The following ATOSA variants were observed in gnomAD, a reference collection of about 807,000 sequenced individuals.
ATOSA encodes the protein atos homolog protein A.
chr15:52,600,000 T>C, the ATOSA span: 1 of 489,746 alleles, frequency 2.0e-6, no homozygotes, highest in East Asian at 3.4e-5. Context: ...AAAAAGGTAA[T>C]TTCAAGGCTT....
the ATOSA span, chr15:52,678,295 G>A: frequency 1.7e-6 from 1 of 592,198 alleles, no homozygotes; most frequent in Non-Finnish European, 3.0e-6. Context: ...TCCGGATCGA[G>A]CACCCCCTTC....
chr15:52,588,341 A>T, the ATOSA span, among the ~76,000 whole-genome samples: 1 of 152,240 alleles, frequency 6.6e-6, no homozygotes, highest in Admixed American at 6.5e-5. Context: ...AAAACAAGGT[A>T]AGTTCAAATT....
At chr15:52,626,541 A>AAG in the ATOSA span, among the ~76,000 whole-genome samples, 1 of 151,540 alleles carries the variant, frequency 6.6e-6, no homozygotes, top group East Asian at 1.9e-4. Flanking sequence ...AAAAAAAAAA[A>AAG]AGAGAGCGAG....
chr15:52,604,774 AG>A, the ATOSA span, among the ~76,000 whole-genome samples: 1 of 152,214 alleles, frequency 6.6e-6, no homozygotes, highest in African/African-American at 2.4e-5. Context: ...GATTAAGTGA[AG>A]GGATTCCAAA....
At chr15:52,657,399 A>AT in the ATOSA span, 17 of 152,188 alleles carry the variant, frequency 1.1e-4, no homozygotes, top group Non-Finnish European at 1.8e-4. Flanking sequence ...TGCATTTAAC[A>AT]TTTTTTAAAA....
chr15:52,653,811 G>GTA, the ATOSA span, among the ~76,000 whole-genome samples: 1 of 152,118 alleles, frequency 6.6e-6, no homozygotes, highest in Non-Finnish European at 1.5e-5. Flanking sequence ...TGCTTAAAAC[G>GTA]TAGGTACTAT....
the ATOSA span, among the ~76,000 whole-genome samples, chr15:52,654,646 C>T: frequency 6.6e-6 from 1 of 152,134 alleles, no homozygotes; most frequent in Non-Finnish European, 1.5e-5. Flanking sequence ...ACATACCATG[C>T]TCCTGTAGGG....
chr15:52,679,902 C>T, the ATOSA span, among the ~76,000 whole-genome samples: 1 of 150,170 alleles, frequency 6.7e-6, no homozygotes. Flanking sequence ...TAATGGAACC[C>T]GGGTTTAATG....
chr15:52,612,354 T>G, the ATOSA span, among the ~76,000 whole-genome samples: 1 of 152,138 alleles, frequency 6.6e-6, no homozygotes. Flanking sequence ...GAAAAAGAAC[T>G]GCTACATCCA....
chr15:52,682,986 AC>A, the ATOSA span, among the ~76,000 whole-genome samples: 1 of 152,130 alleles, frequency 6.6e-6, no homozygotes, highest in Admixed American at 6.5e-5. Flanking sequence ...ACCCTCTAAA[AC>A]CACAGGTATA....
the ATOSA span, chr15:52,598,563 A>T: frequency 9.2e-5 from 14 of 152,224 alleles, no homozygotes; most frequent in Middle Eastern, 3.2e-3. Flanking sequence ...CACTAAGCAG[A>T]GGAAATATCT....
the ATOSA span, among the ~76,000 whole-genome samples, chr15:52,691,111 A>AT: frequency 6.4e-4 from 95 of 148,968 alleles, 3 homozygotes; most frequent in Middle Eastern, 6.9e-3. Flanking sequence ...GTTTCTAGGG[A>AT]TTTTTTTTTT....
chr15:52,703,946 G>A, the ATOSA span, among the ~76,000 whole-genome samples: 1 of 152,078 alleles, frequency 6.6e-6, no homozygotes, highest in African/African-American at 2.4e-5. Context: ...AACTAGTTTG[G>A]TGTGACTTCC....
At chr15:52,692,535 G>A in the ATOSA span, among the ~76,000 whole-genome samples, 59 of 152,226 alleles carry the variant, frequency 3.9e-4, no homozygotes, top group African/African-American at 1.3e-3. Flanking sequence ...TGTATTTTTT[G>A]TAGAGACAGG....
chr15:52,696,998 C>T, the ATOSA span, among the ~76,000 whole-genome samples: 1 of 152,058 alleles, frequency 6.6e-6, no homozygotes, highest in Non-Finnish European at 1.5e-5. Flanking sequence ...CTTATTACTT[C>T]CATAATTTGA....
chr15:52,589,085 C>T, the ATOSA span, among the ~76,000 whole-genome samples: 1 of 152,162 alleles, frequency 6.6e-6, no homozygotes, highest in East Asian at 1.9e-4. Flanking sequence ...TTAAGGTTAA[C>T]ACATACGTGG....
the ATOSA span, among the ~76,000 whole-genome samples, chr15:52,679,817 CT>C: frequency 3.5e-3 from 424 of 120,694 alleles, 10 homozygotes; most frequent in East Asian, 0.027. Context: ...CCTTCCCCCC[CT>C]CCTCCTCCTC....
chr15:52,631,926 G>A, the ATOSA span, among the ~76,000 whole-genome samples: 2 of 152,070 alleles, frequency 1.3e-5, no homozygotes, highest in Admixed American at 1.3e-4. Flanking sequence ...TTTCTGTAGA[G>A]ACAGGAGCCT....
At chr15:52,636,109 AAAT>A in the ATOSA span, among the ~76,000 whole-genome samples, 30 of 72,672 alleles carry the variant, frequency 4.1e-4, no homozygotes, top group Admixed American at 9.2e-4. Flanking sequence ...TATTAAATTA[AAAT>A]AATAAATTTA....
Sources: gnomAD v4.1 joint callset for allele counts (sites outside exome capture counted in the v4.1 genomes callset) on GRCh38, gnomAD v4.1.1 for gene constraint, MANE v1.5 for transcripts, NCBI Gene and HGNC (gene_info 2026-07-23, HGNC 2026-07-21) for gene names.